The following CSMD1 variants were observed in gnomAD, a reference collection of about 807,000 sequenced individuals.
CSMD1 encodes CUB and sushi domain-containing protein 1.
Under a neutral mutation model 417.5 loss-of-function variants are expected in CSMD1, and 213 were observed. The observed-to-expected ratio is 0.51, with a 90% CI of 0.46 to 0.57. The LOEUF (loss-of-function observed/expected upper bound fraction) is 0.57, where lower values mean the gene tolerates loss of function less well. Among genes scored for constraint, CSMD1 ranks in the 20% least tolerant of loss-of-function variants. The probability of loss-of-function intolerance (pLI) is 0.00; values close to 1 mark genes in which losing one functional copy is unlikely to be tolerated. For missense variants in CSMD1, 6,923 were observed against 4,529.7 expected (o/e 1.53, Z -15.17); for synonymous variants, 2,862 against 1,736.8 (o/e 1.65, Z -16.11).
At chr8:3,347,812 A>C (rs1367157760) in intron 22 of CSMD1, among the ~76,000 whole-genome samples, 180 bp downstream of exon 22, 1 of 152,238 alleles carries the variant, frequency 6.6e-6, no homozygotes. Flanking sequence ...GTCCACATAC[A>C]CTGCTCTAAG....
intron 2 of CSMD1, among the ~76,000 whole-genome samples, chr8:4,615,110 C>A (rs1402398220): frequency 1.3e-5 from 2 of 152,168 alleles, no homozygotes; most frequent in Non-Finnish European, 2.9e-5. Flanking sequence ...TCTGTAACTG[C>A]ATGACACAAA....
intron 3 of CSMD1, among the ~76,000 whole-genome samples, chr8:4,179,837 T>C (rs1798256483): frequency 6.6e-6 from 1 of 152,178 alleles, no homozygotes; most frequent in Non-Finnish European, 1.5e-5. Context: ...ATGCTCATCA[T>C]CACTGGCCAT....
intron 3 of CSMD1, among the ~76,000 whole-genome samples, chr8:4,171,543 T>C (rs1797764350): frequency 6.6e-6 from 1 of 151,846 alleles, no homozygotes; most frequent in Admixed American, 6.6e-5. Flanking sequence ...TTAACAAATG[T>C]ACAATAACTA....
intron 3 of CSMD1, among the ~76,000 whole-genome samples, chr8:4,332,547 T>TCACATA (rs1332277524): frequency 1.8e-5 from 2 of 111,538 alleles, no homozygotes; most frequent in Non-Finnish European, 1.9e-5. Context: ...TGTCATGATA[T>TCACATA]CACATACACA....
At chr8:3,699,407 T>C (rs1232927134) in intron 7 of CSMD1, among the ~76,000 whole-genome samples, 1 of 152,254 alleles carries the variant, frequency 6.6e-6, no homozygotes, top group African/African-American at 2.4e-5. Flanking sequence ...ATTTTGATAA[T>C]GGGCACAGTT....
chr8:3,562,447 C>CACATGCACACACACGTGCACATACAG (rs1799512195), intron 10 of CSMD1, among the ~76,000 whole-genome samples: 2 of 50,914 alleles, frequency 3.9e-5, no homozygotes, highest in Admixed American at 2.9e-4. Context: ...TGCACATACA[C>CACATGCACACACACGTGCACATACAG]ATACTCACAG....
At chr8:4,096,593 T>G (rs539374413) in intron 3 of CSMD1, among the ~76,000 whole-genome samples, 1 of 152,206 alleles carries the variant, frequency 6.6e-6, no homozygotes, top group Non-Finnish European at 1.5e-5. Flanking sequence ...TTCTTAAGTT[T>G]GTATTGTGTA....
intron 5 of CSMD1, among the ~76,000 whole-genome samples, chr8:3,835,330 A>G (rs1262976643): frequency 2.0e-5 from 3 of 152,140 alleles, no homozygotes; most frequent in Admixed American, 6.5e-5. Flanking sequence ...AATGTCCAAC[A>G]ACGACAGACT....
At chr8:3,236,003 C>G (rs1029784372) in intron 26 of CSMD1, among the ~76,000 whole-genome samples, 2 of 146,804 alleles carry the variant, frequency 1.4e-5, no homozygotes, top group Non-Finnish European at 3.0e-5. Flanking sequence ...CTGCAAGCTC[C>G]GCCTTCCGGG....
At chr8:3,807,757 T>C (rs980696884) in intron 5 of CSMD1, among the ~76,000 whole-genome samples, 5 of 152,272 alleles carry the variant, frequency 3.3e-5, no homozygotes, top group South Asian at 4.1e-4. Context: ...TAGTCATCTA[T>C]TTTTAGTTCT....
chr8:4,160,508 CA>C (rs1797091836), intron 3 of CSMD1, among the ~76,000 whole-genome samples: 1 of 152,068 alleles, frequency 6.6e-6, no homozygotes, highest in African/African-American at 2.4e-5. Flanking sequence ...GAAAGTCAGA[CA>C]ATCATTATGC....
At chr8:3,776,751 A>G (rs1798908484) in intron 5 of CSMD1, among the ~76,000 whole-genome samples, 1 of 150,892 alleles carries the variant, frequency 6.6e-6, no homozygotes, top group Admixed American at 6.6e-5. Flanking sequence ...AAAGATAGGC[A>G]GAAAAAAGAT....
chr8:3,950,695 G>A (rs770620586), intron 5 of CSMD1, among the ~76,000 whole-genome samples: 1 of 152,086 alleles, frequency 6.6e-6, no homozygotes, highest in South Asian at 2.1e-4. Context: ...ATGCATTATG[G>A]AGCACAGGAT....
At chr8:4,057,601 C>T (rs2130723560) in intron 3 of CSMD1, among the ~76,000 whole-genome samples, 1 of 151,836 alleles carries the variant, frequency 6.6e-6, no homozygotes, top group South Asian at 2.1e-4. Context: ...GACATGAAGT[C>T]CTTGCCCATG....
chr8:4,942,135 A>G (rs1453492972), intron 1 of CSMD1, among the ~76,000 whole-genome samples: 1 of 152,180 alleles, frequency 6.6e-6, no homozygotes, highest in Admixed American at 6.5e-5. Context: ...CAATCAAAGT[A>G]TAATATACTC....
At chr8:3,333,435 C>G (rs955415587) in intron 23 of CSMD1, among the ~76,000 whole-genome samples, 2 of 152,164 alleles carry the variant, frequency 1.3e-5, no homozygotes, top group African/African-American at 2.4e-5. Context: ...ACAAACACTG[C>G]TTATTGGATA....
intron 1 of CSMD1, among the ~76,000 whole-genome samples, chr8:4,925,185 G>C (rs1346361111): frequency 7.6e-6 from 1 of 131,754 alleles, no homozygotes; most frequent in Non-Finnish European, 1.6e-5. Flanking sequence ...GTTAATCAGA[G>C]AATAAAACAT....
chr8:3,692,691 C>A (rs1027744672), intron 7 of CSMD1, among the ~76,000 whole-genome samples: 1 of 152,040 alleles, frequency 6.6e-6, no homozygotes, highest in Non-Finnish European at 1.5e-5. Context: ...CCTCGGCCTC[C>A]AGAAGTGCTG....
At chr8:4,196,186 G>C (rs1023490250) in intron 3 of CSMD1, among the ~76,000 whole-genome samples, 1 of 152,124 alleles carries the variant, frequency 6.6e-6, no homozygotes, top group Admixed American at 6.6e-5. Flanking sequence ...ACTCCAGCCT[G>C]GGCGACGGAG....
Sources: gnomAD v4.1 joint callset for allele counts (sites outside exome capture counted in the v4.1 genomes callset) on GRCh38, gnomAD v4.1.1 for gene constraint, MANE v1.5 for transcripts, NCBI Gene and HGNC (gene_info 2026-07-23, HGNC 2026-07-21) for gene names.